The following TBCEL variants were observed in gnomAD, a reference collection of about 807,000 sequenced individuals.
The protein encoded by TBCEL is tubulin-specific chaperone cofactor E-like protein.
In TBCEL, 15 loss-of-function variants were observed where a neutral mutation model predicts 44.2. The ratio of observed to expected loss-of-function variants is 0.34; its 90% CI spans 0.23 to 0.52. The LOEUF (loss-of-function observed/expected upper bound fraction) is 0.52, where lower values mean the gene tolerates loss of function less well. Ranked by LOEUF, TBCEL falls within the 20% of genes least tolerant of loss-of-function variation. The pLI is 0.95. For synonymous variants in TBCEL, 171 were observed against 185.4 expected, an observed-to-expected ratio of 0.92 and a Z score of 0.63; for missense variants, 319 against 506.3, an observed-to-expected ratio of 0.63 and a Z score of 3.55.
At chr11:121,066,876 C>G (rs1259670749) in intron 8 of TBCEL, among the ~76,000 whole-genome samples, 1 of 152,098 alleles carries the variant, frequency 6.6e-6, no homozygotes, top group African/African-American at 2.4e-5. Context: ...TAAAATTGAG[C>G]TTTAGTTTCC....
In TBCEL at chr11:121,090,324, G is replaced by A. The variant is rs1381111623; in HGVS notation, c.*3228G>A. The A allele has an allele frequency of 2.0e-5, 3 of 152,252 alleles. No homozygotes were observed. Among genetic ancestry groups the A allele is most frequent in the South Asian group, 2.1e-4 (1 of 4,816 alleles). 9.4% of individuals were successfully genotyped at this position (152,252 alleles called of 1,614,324 possible). A position where few individuals can be genotyped will look rare whatever the true frequency, so the allele number is the denominator to read the frequency against. On this transcript the variant is annotated 3_prime_UTR_variant, in exon 9 of 9. Transcript: ENST00000683345. ...GAGCTGATCACCATTTGAGATACGC[G>A]GCTTAACGCACATGTGAGTGTAGCT...
At chr11:121,035,912 G>A (rs1432240438) in intron 1 of TBCEL, 1 of 152,104 alleles carries the variant, frequency 6.6e-6, no homozygotes, top group Non-Finnish European at 1.5e-5. Context: ...GTTACAAGAG[G>A]AATTTTGGCT....
chr11:121,082,669 C>G (rs969541287), intron 8 of TBCEL, among the ~76,000 whole-genome samples: 5 of 152,174 alleles, frequency 3.3e-5, no homozygotes, highest in Non-Finnish European at 7.3e-5. Context: ...GGAAAGCCAT[C>G]AGCTATTTTA....
At chr11:121,035,046 C>G (rs74801699) in intron 1 of TBCEL, among the ~76,000 whole-genome samples, 3,611 of 152,204 alleles carry the variant, frequency 0.024, 111 homozygotes, top group African/African-American at 0.067. Context: ...TAAAAATTAG[C>G]TTATTTAACA....
At chr11:121,039,714 T>G (rs902567096) in intron 2 of TBCEL, among the ~76,000 whole-genome samples, 3 of 152,232 alleles carry the variant, frequency 2.0e-5, no homozygotes, top group Non-Finnish European at 4.4e-5. Flanking sequence ...CAGGTTGTCT[T>G]GTGAAGAAAA....
chr11:121,026,041 C>G (rs1198642140), intron 1 of TBCEL, among the ~76,000 whole-genome samples: 1 of 152,056 alleles, frequency 6.6e-6, no homozygotes, highest in East Asian at 1.9e-4. Flanking sequence ...CACTGATTTT[C>G]TTTTCTGCTA....
At chr11:121,055,438 A>T in intron 6 of TBCEL, 130 bp downstream of exon 6, 3 of 933,640 alleles carry the variant, frequency 3.2e-6, no homozygotes, top group Non-Finnish European at 4.4e-6. Context: ...TGACATGCAG[A>T]TGCCTATGAT....
rs915606866 is a variant in TBCEL, at chr11:121,045,975, G to A, written c.133+152G>A. 37 of 923,084 alleles carry A rather than the reference G, an allele frequency of 4.0e-5. No individual in the cohort carries two copies. The South Asian group carries it at 5.8e-4, about 15-fold the overall frequency. The allele number at this position is 923,084 out of a possible 1,614,324, so 57.2% of individuals were successfully genotyped here. A position where few individuals can be genotyped will look rare whatever the true frequency, so the allele number is the denominator to read the frequency against. ...TTATGATTTCAGTTTTCTAAAGAAC[G>A]TAACAGGACTGGTTTTCCTCCAGAT... On this transcript the variant is annotated intron_variant, in intron 3 of 8. Coordinates refer to ENST00000683345, the MANE Select transcript of TBCEL (RefSeq NM_001363644.2).
At chr11:121,053,457 C>A (rs1945565032) in intron 4 of TBCEL, 94 bp from the exon 5 acceptor site, 3 of 1,189,760 alleles carry the variant, frequency 2.5e-6, no homozygotes, top group African/African-American at 1.5e-5. Context: ...TGGCCCTTTG[C>A]CTGGAGACCA....
At chr11:121,065,504 A>C (rs1262979848) in intron 8 of TBCEL, among the ~76,000 whole-genome samples, 2 of 152,218 alleles carry the variant, frequency 1.3e-5, no homozygotes, top group Non-Finnish European at 1.5e-5. Flanking sequence ...ATATGTATGC[A>C]AATTTAAGGG....
At position 121,087,051 on chromosome 11, in the gene TBCEL, C is replaced by T; in HGVS notation, c.1230C>T (p.Gly410=). 1 of 1,614,014 alleles carries T rather than the reference C, an allele frequency of 6.2e-7. No homozygotes were observed. Among genetic ancestry groups the T allele is most frequent in the Non-Finnish European group, 8.5e-7 (1 of 1,179,958 alleles). The change falls in exon 9 of 9, where the codon GGC becomes GGT. Residue 410 remains glycine, a synonymous_variant. Coordinates refer to ENST00000683345, the MANE Select transcript of TBCEL (RefSeq NM_001363644.2). ...GCTCTCGGGCATTGCATTCCTTTGG[C>T]ATTAGGGATGGAGATAAAATTTACG... is the stretch of plus-strand genomic sequence containing the variant. ...KYSSRALHSF[G]IRDGDKIYVE...
chr11:121,089,332 G>A lies in TBCEL; in HGVS notation c.*2236G>A, dbSNP rs1946260155. On this transcript the variant is annotated 3_prime_UTR_variant, in exon 9 of 9. Coordinates refer to ENST00000683345, the MANE Select transcript of TBCEL (RefSeq NM_001363644.2). ...TTCTTCTGTTATTACAGAACACAGT[G>A]TTTATCAACTGCGGACATAATTCTT... The A allele has an allele frequency of 6.6e-6, 1 of 152,170 alleles. No homozygotes were observed. Among genetic ancestry groups the A allele is most frequent in the Non-Finnish European group, 1.5e-5 (1 of 68,012 alleles). 9.4% of individuals were successfully genotyped at this position (152,170 alleles called of 1,614,324 possible). A position where few individuals can be genotyped will look rare whatever the true frequency, so the allele number is the denominator to read the frequency against.
At chr11:121,030,299 G>A (rs1945120623) in intron 1 of TBCEL, among the ~76,000 whole-genome samples, 1 of 152,200 alleles carries the variant, frequency 6.6e-6, no homozygotes, top group African/African-American at 2.4e-5. Context: ...GCAGTGATCA[G>A]ATTAAATGAA....
At position 121,045,812 on chromosome 11, in the gene TBCEL, C is replaced by G. The variant is rs1028764515; in HGVS notation, c.122C>G (p.Ser41Cys). Residue 41 changes from serine to cysteine, a missense_variant, in exon 3 of 9, where the codon TCT (serine) becomes TGT (cysteine). Physicochemically the swap from Ser to Cys is moderately radical, Grantham distance 112 (BLOSUM62 -1). Coordinates refer to ENST00000683345, the MANE Select transcript of TBCEL (RefSeq NM_001363644.2). The stretch of plus-strand genomic sequence containing the variant: ...CATGTCCCAGCCACACCTCAGGGCT[C>G]TCCTATGAAAGGTAAGAAAGATGGG... ...GVHVPATPQG[S>C]PMKDRLNLPS... 1.3e-6 allele frequency: 2 copies of G among 1,590,262 alleles called. No individual in the cohort carries two copies. The highest frequency in any genetic ancestry group is 1.9e-5 in the Admixed American group (1 of 53,434).
chr11:121,046,301 G>T (rs1799163853), intron 3 of TBCEL, among the ~76,000 whole-genome samples: 1 of 152,114 alleles, frequency 6.6e-6, no homozygotes, highest in Admixed American at 6.6e-5. Flanking sequence ...AGTTCTTCAA[G>T]AATGTAGAAT....
chr11:121,064,419 G>A (rs1004697631), intron 8 of TBCEL, among the ~76,000 whole-genome samples: 1 of 152,270 alleles, frequency 6.6e-6, no homozygotes, highest in South Asian at 2.1e-4. Flanking sequence ...TAGTGTTTTT[G>A]TTGAAACAGA....
rs1350853704 is a variant in TBCEL at position 121,088,584 on chromosome 11, A to G, written c.*1488A>G. 1 of 152,206 alleles carries G rather than the reference A, an allele frequency of 6.6e-6. No individual in the cohort carries two copies. The allele number at this position is 152,206 out of a possible 1,614,324, so 9.4% of individuals were successfully genotyped here. On this transcript the variant is annotated 3_prime_UTR_variant, in exon 9 of 9. Transcript: ENST00000683345. ...GTGTAAGTGAAGTATTTTTCAAAGA[A>G]TGCAGTTATTATCTGATTGCATTTG...
At chr11:121,026,278 T>A (rs1367162978) in intron 1 of TBCEL, among the ~76,000 whole-genome samples, 1 of 152,166 alleles carries the variant, frequency 6.6e-6, no homozygotes, top group Non-Finnish European at 1.5e-5. Context: ...TTAGGTGGGG[T>A]CCTTAGAAAA....
intron 2 of TBCEL, among the ~76,000 whole-genome samples, chr11:121,038,785 A>G (rs957229100): frequency 6.6e-6 from 1 of 151,998 alleles, no homozygotes; most frequent in African/African-American, 2.4e-5. Context: ...TCTTAATCCT[A>G]GTTTTTTTTC....
Sources: allele counts gnomAD v4.1 joint callset (sites outside exome capture counted in the v4.1 genomes callset), GRCh38; gene constraint gnomAD v4.1.1; transcripts MANE v1.5; gene names NCBI Gene and HGNC (gene_info 2026-07-23, HGNC 2026-07-21).